Variants in THOP1 observed in about 807,000 individuals in gnomAD.
The protein encoded by THOP1 is thimet oligopeptidase.
In THOP1, 49 loss-of-function variants were observed where a neutral mutation model predicts 71.8. The ratio of observed to expected loss-of-function variants is 0.68; its 90% CI spans 0.54 to 0.87. The LOEUF (loss-of-function observed/expected upper bound fraction) is 0.87, where lower values mean the gene tolerates loss of function less well. Ranked by LOEUF, THOP1 falls within the 40% of genes least tolerant of loss-of-function variation. THOP1 has a pLI of 0.00. For synonymous variants in THOP1, 426 were observed against 421.5 expected, an observed-to-expected ratio of 1.01 and a Z score of -0.13; for missense variants, 843 against 975.6, an observed-to-expected ratio of 0.86 and a Z score of 1.81.
Position 2,794,754 on chromosome 19 carries a change from C to G in THOP1, c.230-10C>G. On this transcript the variant is annotated splice_polypyrimidine_tract_variant and intron_variant, in intron 2 of 12. Transcript: ENST00000307741. ...TCTCACACCTGTCTCCCTGGTCTCC[C>G]CTGTTTTAGTTCAGAGGAATATCCT... is the stretch of plus-strand genomic sequence containing the variant. 1 of 1,607,504 alleles carries G rather than the reference C, an allele frequency of 6.2e-7. No individual in the cohort carries two copies. Among genetic ancestry groups the G allele is most frequent in the South Asian group, 1.1e-5 (1 of 90,958 alleles).
At chr19:2,810,596 C>T (rs369597875) in intron 10 of THOP1, 44 bp from the exon 11 acceptor site, 174 of 1,536,706 alleles carry the variant, frequency 1.1e-4, no homozygotes, top group Non-Finnish European at 1.4e-4. Flanking sequence ...CAGAGTGGGC[C>T]GGGGCAGGTG....
At position 2,803,230 on chromosome 19, in the gene THOP1, G is replaced by A. The variant is rs565162717; in HGVS notation, c.590-1786G>A. ...CCAGGGAGCAGCATTCCTGGGCACC[G>A]TTAACAGTTAGGAAGCAGACACGCA... On this transcript the variant is annotated intron_variant, in intron 5 of 12. Transcript: ENST00000307741. Among the ~76,000 whole-genome samples, 5 of 152,308 alleles carry A rather than the reference G, an allele frequency of 3.3e-5. No individual in the cohort carries two copies. In the South Asian group the frequency reaches 8.3e-4, roughly 25 times the overall value.
At chr19:2,802,007 C>T (rs1376510468) in intron 5 of THOP1, among the ~76,000 whole-genome samples, 1 of 151,884 alleles carries the variant, frequency 6.6e-6, no homozygotes, top group Non-Finnish European at 1.5e-5. Flanking sequence ...CCCACATCTC[C>T]CAATACCCAC....
chr19:2,788,679 A>G (rs990919089), intron 1 of THOP1, among the ~76,000 whole-genome samples: 1 of 152,216 alleles, frequency 6.6e-6, no homozygotes, highest in African/African-American at 2.4e-5. Flanking sequence ...GGGTTTCTCC[A>G]TGCTGGCCAC....
At chr19:2,795,929 A>G (rs983552969) in intron 3 of THOP1, 152 bp from the exon 4 acceptor site, 49 of 596,136 alleles carry the variant, frequency 8.2e-5, no homozygotes, top group African/African-American at 7.8e-4. Flanking sequence ...TTATGTAGAG[A>G]CAGGTCGTCA....
At position 2,785,606 on chromosome 19, in the gene THOP1, G is replaced by T; in HGVS notation, c.-57G>T. On this transcript the variant is annotated 5_prime_UTR_variant, in exon 1 of 13. Transcript: ENST00000307741. The stretch of plus-strand genomic sequence containing the variant: ...GCAGGCGGCCTCAGTGGCCGAGGTG[G>T]CTGGACGCGTAGCAGGTGGAAGGAG... The T allele has an allele frequency of 4.7e-6, 7 of 1,493,322 alleles. No individual in the cohort carries two copies. The highest frequency in any genetic ancestry group is 5.3e-6 in the Non-Finnish European group (6 of 1,122,866). The allele number at this position is 1,493,322 out of a possible 1,614,324, so 92.5% of individuals were successfully genotyped here.
chr19:2,808,106 C>T, intron 8 of THOP1, 137 bp from the exon 9 acceptor site: 1 of 1,055,278 alleles, frequency 9.5e-7, no homozygotes, highest in Non-Finnish European at 1.4e-6. Context: ...CAAGCCACCT[C>T]TGCTGAGAGG....
chr19:2,790,541 G>T lies in THOP1; in HGVS notation c.137G>T (p.Arg46Leu). The T allele has an allele frequency of 6.2e-7, 1 of 1,608,448 alleles. No individual in the cohort carries two copies. The highest frequency in any genetic ancestry group is 8.5e-7 in the Non-Finnish European group (1 of 1,177,640). ...AGGGAGCTCATCGAGCAGACCAAGC[G>T]CGTGTATGACCAGGTTGGCACCCAG... Reference protein sequence around the residue: ...RTRELIEQTKRVYDQVGTQEF... With the variant: ...RTRELIEQTKLVYDQVGTQEF... Residue 46 changes from arginine (R) to leucine (L), a missense_variant, in exon 2 of 13, where the codon CGC becomes CTC. By Grantham distance (102) the Arg-to-Leu change is moderately radical (BLOSUM62 -2). Coordinates refer to ENST00000307741, the MANE Select transcript of THOP1 (RefSeq NM_003249.5).
chr19:2,786,027 TAGGG>T (rs1458421365), intron 1 of THOP1, among the ~76,000 whole-genome samples: 1 of 151,926 alleles, frequency 6.6e-6, no homozygotes, highest in Non-Finnish European at 1.5e-5. Flanking sequence ...GGATCGAAGA[TAGGG>T]AGGGATCGGT....
At chr19:2,811,843 G>C in intron 12 of THOP1, 109 bp downstream of exon 12, 4 of 1,387,794 alleles carry the variant, frequency 2.9e-6, no homozygotes, top group Non-Finnish European at 3.7e-6. Context: ...TGGGGACAGG[G>C]AGGGCGTCCT....
Position 2,814,197 on chromosome 19 carries a change from CG to C in THOP1, c.*928del, listed in dbSNP as rs1318320051. On this transcript the variant is annotated 3_prime_UTR_variant, in exon 13 of 13. Transcript: ENST00000307741. ...AAAGTCTTGATCGGGGGTGCAGGGT[CG>C]GGGGGGCGCTTCCTGGACCCTCCAA... is the stretch of plus-strand genomic sequence containing the variant. 1.3e-5 allele frequency: 2 copies of C among 152,742 alleles called. No individual in the cohort carries two copies. Among genetic ancestry groups the C allele is most frequent in the Non-Finnish European group, 2.9e-5 (2 of 68,516 alleles). 9.5% of individuals were successfully genotyped at this position (152,742 alleles called of 1,614,324 possible). A position where few individuals can be genotyped will look rare whatever the true frequency, so the allele number is the denominator to read the frequency against.
Position 2,807,534 on chromosome 19 carries a change from C to A in THOP1, c.979C>A (p.Pro327Thr). 2.5e-6 allele frequency: 4 copies of A among 1,612,154 alleles called. No individual in the cohort carries two copies. Among genetic ancestry groups the A allele is most frequent in the Non-Finnish European group, 2.5e-6 (3 of 1,179,780 alleles). Residue 327 changes from proline to threonine, a missense_variant, in exon 8 of 13, where the codon CCC (proline) becomes ACC (threonine). Physicochemically the swap from Pro to Thr is conservative, Grantham distance 38. Coordinates refer to ENST00000307741, the MANE Select transcript of THOP1 (RefSeq NM_003249.5). Reference sequence around the variant, plus strand: ...TGCGGAGTGCGAGCGCCGGGGCCTGCCCTTCGACGGCCGCATCCGTGCCTG... The same window carrying A: ...TGCGGAGTGCGAGCGCCGGGGCCTGACCTTCGACGGCCGCATCCGTGCCTG... ...KRAECERRGL[P>T]FDGRIRAWDM...
At chr19:2,792,789 G>A (rs777178462) in intron 2 of THOP1, among the ~76,000 whole-genome samples, 3 of 152,034 alleles carry the variant, frequency 2.0e-5, no homozygotes, top group Non-Finnish European at 4.4e-5. Context: ...AAGTAGCTGA[G>A]AGCACAAGTG....
intron 5 of THOP1, among the ~76,000 whole-genome samples, chr19:2,800,601 G>C (rs906263794): frequency 2.9e-4 from 44 of 152,384 alleles, no homozygotes; most frequent in African/African-American, 1.0e-3. Flanking sequence ...CTCCGCAGGT[G>C]GCTTGATGTG....
intron 11 of THOP1, among the ~76,000 whole-genome samples, chr19:2,811,382 T>C (rs1599533827): frequency 6.6e-6 from 1 of 152,194 alleles, no homozygotes; most frequent in African/African-American, 2.4e-5. Flanking sequence ...TTAAATGAGC[T>C]CCTGTCCTTC....
chr19:2,810,042 C>T, intron 9 of THOP1: 1 of 547,072 alleles, frequency 1.8e-6, no homozygotes, highest in Non-Finnish European at 3.2e-6. Flanking sequence ...AGCTCTGTGG[C>T]TAGAGGAGAA....
rs1399113249 is a variant in THOP1, at chr19:2,807,067, C to G, written c.886+15C>G. The stretch of plus-strand genomic sequence containing the variant: ...CACCTTCCTAGGTAGCCCTTCCTTC[C>G]TCCTCCACTGGGGTCCCTGTGGGGA... On this transcript the variant is annotated intron_variant, in intron 7 of 12. Transcript: ENST00000307741. 1 of 1,603,788 alleles carries G rather than the reference C, an allele frequency of 6.2e-7. No homozygotes were observed.
At chr19:2,796,232 A>T (rs780235520) in intron 4 of THOP1, 44 bp downstream of exon 4, 1 of 1,466,070 alleles carries the variant, frequency 6.8e-7, no homozygotes, top group Non-Finnish European at 9.4e-7. Flanking sequence ...GCAATGGTCG[A>T]TCCCGGGGAG....
Position 2,806,955 on chromosome 19 carries a change from G to A in THOP1, c.789G>A (p.Arg263=), listed in dbSNP as rs759966760. The change falls in exon 7 of 13, where the codon CGG becomes CGA. Residue 263 remains arginine (R), a synonymous_variant. Coordinates refer to ENST00000307741, the MANE Select transcript of THOP1 (RefSeq NM_003249.5). ...TCCTCAAGGAGCTGGTGACGCTGCG[G>A]GCCCAGAAGTCCCGCCTGCTGGGGT... The part of the protein sequence containing the change: ...CAILKELVTL[R]AQKSRLLGFH... 6.2e-7 allele frequency: 1 copy of A among 1,613,092 alleles called. No homozygotes were observed. The highest frequency in any genetic ancestry group is 8.5e-7 in the Non-Finnish European group (1 of 1,179,830).
Sources: allele counts gnomAD v4.1 joint callset (sites outside exome capture counted in the v4.1 genomes callset), GRCh38; gene constraint gnomAD v4.1.1; transcripts MANE v1.5; gene names NCBI Gene and HGNC (gene_info 2026-07-23, HGNC 2026-07-21).